CRPPA: variants seen among roughly 807,000 people sequenced by gnomAD.
CRPPA encodes D-ribitol-5-phosphate cytidylyltransferase.
A neutral mutation model predicts 52.0 loss-of-function variants in CRPPA; 43 were observed. That is an observed-to-expected ratio of 0.83 (90% CI 0.65 to 1.07). The LOEUF (loss-of-function observed/expected upper bound fraction) is 1.07, where lower values mean the gene tolerates loss of function less well. Among genes scored for constraint, CRPPA ranks in the 50% least tolerant of loss-of-function variants. CRPPA has a pLI of 0.00. For synonymous variants in CRPPA, 250 were observed against 203.5 expected, an observed-to-expected ratio of 1.23 and a Z score of -1.94; for missense variants, 629 against 551.7, an observed-to-expected ratio of 1.14 and a Z score of -1.40.
chr7:16,195,438 T>G (rs1781709570), intron 9 of CRPPA, among the ~76,000 whole-genome samples: 1 of 152,122 alleles, frequency 6.6e-6, no homozygotes, highest in South Asian at 2.1e-4. Context: ...AATCTATCTG[T>G]AACTTAATGA....
intron 9 of CRPPA, among the ~76,000 whole-genome samples, chr7:16,170,569 A>C (rs1204622786): frequency 1.3e-5 from 2 of 152,258 alleles, no homozygotes; most frequent in Non-Finnish European, 2.9e-5. Flanking sequence ...GCGAAAGAAC[A>C]AACCTTTCAC....
chr7:16,245,865 A>T (rs1192845577), intron 8 of CRPPA, among the ~76,000 whole-genome samples: 1 of 152,188 alleles, frequency 6.6e-6, no homozygotes, highest in Admixed American at 6.6e-5. Flanking sequence ...ATCTTAAATT[A>T]AAACTGTGTA....
At position 16,180,299 on chromosome 7, in the gene CRPPA, G is replaced by A. The variant is rs963436226; in HGVS notation, c.1251+35767C>T. Among the ~76,000 whole-genome samples the A allele has an allele frequency of 2.0e-5, 3 of 151,958 alleles. No homozygotes were observed. In the East Asian group the frequency reaches 5.8e-4, roughly 29 times the overall value. ...AATGCTAATATACAGATAGGGCCGGGAACCAGAAATATAGGTACAATTTAA... is the reference window on the plus strand; with the variant it reads ...AATGCTAATATACAGATAGGGCCGGAAACCAGAAATATAGGTACAATTTAA... On this transcript the variant is annotated intron_variant, in intron 9 of 9. Coordinates refer to ENST00000407010, the MANE Select transcript of CRPPA (RefSeq NM_001101426.4).
At position 16,091,444 on chromosome 7, in the gene CRPPA, G is replaced by C. The variant is rs181770974; in HGVS notation, c.*251C>G. ...GTCTCTGTGGAAAGATTCATTTGAAGGCTATTATTTTCCACTTATCTACTA... is the reference window on the plus strand; with the variant it reads ...GTCTCTGTGGAAAGATTCATTTGAACGCTATTATTTTCCACTTATCTACTA... On this transcript the variant is annotated 3_prime_UTR_variant, in exon 10 of 10. Transcript: ENST00000407010. 28 of 339,570 alleles carry C rather than the reference G, an allele frequency of 8.2e-5. No homozygotes were observed. Among genetic ancestry groups the C allele is most frequent in the African/African-American group, 6.2e-4 (28 of 45,374 alleles). The allele number at this position is 339,570 out of a possible 1,614,324, so 21.0% of individuals were successfully genotyped here.
chr7:16,214,297 C>T lies in CRPPA; in HGVS notation c.1251+1769G>A, dbSNP rs145770716. Among the ~76,000 whole-genome samples the T allele has an allele frequency of 8.5e-5, 13 of 152,248 alleles. No homozygotes were observed. In the East Asian group the frequency reaches 2.3e-3, roughly 27 times the overall value. ...CTTTACTGGAAAGTCAACTACAGTG[C>T]AGTGCATACAGACCCTTTTGCCCTA... On this transcript the variant is annotated intron_variant, in intron 9 of 9. Transcript: ENST00000407010.
At chr7:16,150,541 T>C (rs1290715687) in intron 9 of CRPPA, among the ~76,000 whole-genome samples, 1 of 152,162 alleles carries the variant, frequency 6.6e-6, no homozygotes, top group Non-Finnish European at 1.5e-5. Context: ...AAAAATGTGA[T>C]ATGAAACAGG....
intron 2 of CRPPA, among the ~76,000 whole-genome samples, chr7:16,399,586 G>A (rs922734420): frequency 1.6e-4 from 25 of 151,936 alleles, no homozygotes; most frequent in African/African-American, 4.8e-4. Flanking sequence ...TGTGACAAGC[G>A]ACTTACACGA....
Position 16,421,250 on chromosome 7 carries a change from C to A in CRPPA, c.73G>T (p.Asp25Tyr). The change falls in exon 1 of 10, where the codon GAC becomes TAC. Residue 25 changes from aspartate to tyrosine, a missense_variant. Physicochemically the swap from Asp to Tyr is radical, Grantham distance 160. Transcript: ENST00000407010. Reference sequence around the variant, plus strand: ...TGCAGGGAGGCGGAAGCCGTGTGGTCCGCGCCGCGCTGACCACTCAGGCAA... The same window carrying A: ...TGCAGGGAGGCGGAAGCCGTGTGGTACGCGCCGCGCTGACCACTCAGGCAA... Reference protein sequence around the residue: ...GPCLSGQRGADHTASASLQSV... With the variant: ...GPCLSGQRGAYHTASASLQSV... 1 of 1,318,844 alleles carries A rather than the reference C, an allele frequency of 7.6e-7. No homozygotes were observed. Among genetic ancestry groups the A allele is most frequent in the African/African-American group, 1.5e-5 (1 of 65,162 alleles). 81.7% of individuals were successfully genotyped at this position (1,318,844 alleles called of 1,614,324 possible). A position where few individuals can be genotyped will look rare whatever the true frequency, so the allele number is the denominator to read the frequency against.
At position 16,124,224 on chromosome 7, in the gene CRPPA, T is replaced by G. The variant is rs1466341554; in HGVS notation, c.1252-32425A>C. 2.0e-5 allele frequency among the ~76,000 whole-genome samples: 3 copies of G among 151,146 alleles called. No individual in the cohort carries two copies. In the East Asian group the frequency reaches 6.3e-4, roughly 32 times the overall value. ...TTTTCTCTGCATCCTTGTTATTGTC[T>G]TTTTGATAATAGCCATTCTAACTGG... On this transcript the variant is annotated intron_variant, in intron 9 of 9. Transcript: ENST00000407010.
chr7:16,289,140 C>A (rs919878456), intron 5 of CRPPA, among the ~76,000 whole-genome samples: 5 of 151,836 alleles, frequency 3.3e-5, no homozygotes, highest in Non-Finnish European at 7.4e-5. Context: ...ATACAACCTA[C>A]CAAGATCGAA....
intron 8 of CRPPA, among the ~76,000 whole-genome samples, chr7:16,240,566 TACACATAC>T (rs1562578533): frequency 1.2e-5 from 1 of 80,168 alleles, no homozygotes; most frequent in African/African-American, 5.0e-5. Flanking sequence ...CATTGGTTAT[TACACATAC>T]ACACACACAC....
chr7:16,375,411 C>A (rs968009312), intron 3 of CRPPA, among the ~76,000 whole-genome samples: 3 of 152,178 alleles, frequency 2.0e-5, no homozygotes, highest in African/African-American at 7.2e-5. Flanking sequence ...TATGTAAGTA[C>A]AGCAGCATTT....
intron 9 of CRPPA, among the ~76,000 whole-genome samples, chr7:16,162,562 T>C (rs2128382382): frequency 6.6e-6 from 1 of 152,300 alleles, no homozygotes; most frequent in South Asian, 2.1e-4. Context: ...TGATTTCCAT[T>C]CTTTTGCATT....
At chr7:16,404,835 G>A (rs1787913499) in intron 2 of CRPPA, among the ~76,000 whole-genome samples, 1 of 152,094 alleles carries the variant, frequency 6.6e-6, no homozygotes, top group African/African-American at 2.4e-5. Context: ...GGAGTCAAGG[G>A]GGAAGCACAA....
intron 8 of CRPPA, among the ~76,000 whole-genome samples, chr7:16,235,560 A>G (rs1233210054): frequency 6.6e-6 from 1 of 152,104 alleles, no homozygotes; most frequent in Non-Finnish European, 1.5e-5. Context: ...CTGCTTTGAC[A>G]TGAAAACAGC....
chr7:16,327,184 A>G (rs1489432656), intron 3 of CRPPA, among the ~76,000 whole-genome samples: 1 of 152,168 alleles, frequency 6.6e-6, no homozygotes, highest in African/African-American at 2.4e-5. Context: ...AGATATCTTC[A>G]ACTCACTCCA....
intron 1 of CRPPA, among the ~76,000 whole-genome samples, chr7:16,410,623 C>A (rs78414348): frequency 0.02 from 3,073 of 152,250 alleles, 123 homozygotes; most frequent in African/African-American, 0.07. Context: ...CTGAGGTCAT[C>A]CCCTGCTGGC....
chr7:16,408,120 AAT>A lies in CRPPA; in HGVS notation c.258-1785_258-1784del, dbSNP rs1491023314. On this transcript the variant is annotated intron_variant, in intron 1 of 9. Transcript: ENST00000407010. ...AGGACTCTGTCTTTAAAAAAAAAAA[AAT>A]AAAAAAATAACTTATCAGCATCGAG... Among the ~76,000 whole-genome samples, 514 of 150,466 alleles carry A rather than the reference AAT, an allele frequency of 3.4e-3. 5 individuals are homozygous for A. Among genetic ancestry groups the A allele is most frequent in the African/African-American group, 0.012 (492 of 40,582 alleles).
chr7:16,092,577 C>G (rs920607085), intron 9 of CRPPA, among the ~76,000 whole-genome samples: 2 of 152,196 alleles, frequency 1.3e-5, no homozygotes, highest in African/African-American at 4.8e-5. Flanking sequence ...TAATGCCGCT[C>G]AAACTGCCAC....
Sources: allele counts gnomAD v4.1 joint callset (sites outside exome capture counted in the v4.1 genomes callset), GRCh38; gene constraint gnomAD v4.1.1; transcripts MANE v1.5; gene names NCBI Gene and HGNC (gene_info 2026-07-23, HGNC 2026-07-21).